Variants in CNTN5 observed in about 807,000 individuals in gnomAD.
The protein encoded by CNTN5 is contactin 5.
In CNTN5, 77 loss-of-function variants were observed where a neutral mutation model predicts 129.1. The ratio of observed to expected loss-of-function variants is 0.60; its 90% CI spans 0.50 to 0.72. The LOEUF (loss-of-function observed/expected upper bound fraction) is 0.72, where lower values mean the gene tolerates loss of function less well. CNTN5 is among the 30% of genes least tolerant of loss of function. CNTN5 has a pLI of 0.00. For missense variants in CNTN5, 1,478 were observed against 1,328.8 expected, an observed-to-expected ratio of 1.11 and a Z score of -1.75; for synonymous variants, 509 against 465.6, an observed-to-expected ratio of 1.09 and a Z score of -1.20.
Position 100,147,442 on chromosome 11 carries a change from G to C in CNTN5, c.1581-43684G>C, listed in dbSNP as rs542075005. On this transcript the variant is annotated intron_variant, in intron 13 of 24. Transcript: ENST00000524871. Reference sequence around the variant, plus strand: ...TCATGTCTCATGGTATCTTGCCTCAGTTCTGCATCCTTAGGTGGAAAGAGT... The same window carrying C: ...TCATGTCTCATGGTATCTTGCCTCACTTCTGCATCCTTAGGTGGAAAGAGT... Among the ~76,000 whole-genome samples the C allele has an allele frequency of 9.2e-5, 14 of 151,796 alleles. No homozygotes were observed. The East Asian group carries it at 2.7e-3, about 29-fold the overall frequency.
intron 1 of CNTN5, among the ~76,000 whole-genome samples, chr11:99,072,286 A>G (rs1865369696): frequency 6.6e-6 from 1 of 152,106 alleles, no homozygotes; most frequent in African/African-American, 2.4e-5. Context: ...AAAAAGAAAA[A>G]AAAATAGATA....
At chr11:99,890,823 C>G in intron 6 of CNTN5, among the ~76,000 whole-genome samples, 1 of 152,096 alleles carries the variant, frequency 6.6e-6, no homozygotes, top group East Asian at 1.9e-4. Flanking sequence ...TAAAAATCAA[C>G]ATCAACATGT....
intron 8 of CNTN5, among the ~76,000 whole-genome samples, chr11:99,983,379 G>A (rs1405906418): frequency 3.4e-5 from 5 of 147,900 alleles, no homozygotes; most frequent in African/African-American, 1.3e-4. Flanking sequence ...GTGAGGAGAG[G>A]TATCAGTAAG....
intron 9 of CNTN5, among the ~76,000 whole-genome samples, chr11:100,040,414 T>C (rs527378951): frequency 3.2e-4 from 48 of 152,204 alleles, no homozygotes; most frequent in African/African-American, 1.1e-3. Flanking sequence ...TACTCGGGGG[T>C]CATGGACCCA....
At chr11:99,095,257 A>G (rs1469646381) in intron 1 of CNTN5, among the ~76,000 whole-genome samples, 1 of 151,924 alleles carries the variant, frequency 6.6e-6, no homozygotes, top group Non-Finnish European at 1.5e-5. Flanking sequence ...TGTTCTACCT[A>G]ATGCATAGTT....
intron 3 of CNTN5, among the ~76,000 whole-genome samples, chr11:99,767,810 T>A (rs918701060): frequency 6.6e-5 from 10 of 152,082 alleles, no homozygotes; most frequent in African/African-American, 2.4e-4. Flanking sequence ...AATACTGTTA[T>A]TTCCACTTCT....
intron 9 of CNTN5, among the ~76,000 whole-genome samples, chr11:100,020,106 T>G (rs1229395979): frequency 6.6e-6 from 1 of 150,748 alleles, no homozygotes; most frequent in Non-Finnish European, 1.5e-5. Flanking sequence ...CTCTGTTGAT[T>G]GTTTGTTTTA....
Position 99,968,285 on chromosome 11 carries a change from G to C in CNTN5, c.877+11276G>C, listed in dbSNP as rs11607130. The stretch of plus-strand genomic sequence containing the variant: ...TTACTGTTTATTAGGAAATTCATCA[G>C]TTGTCACAGTGGGGGAAAAATGTAG... On this transcript the variant is annotated intron_variant, in intron 8 of 24. Transcript: ENST00000524871. 9.9e-3 allele frequency among the ~76,000 whole-genome samples: 1,508 copies of C among 152,276 alleles called. 11 individuals are homozygous for C. The highest frequency in any genetic ancestry group is 0.016 in the Non-Finnish European group (1,091 of 68,010).
intron 7 of CNTN5, among the ~76,000 whole-genome samples, chr11:99,952,531 A>T (rs11222014): frequency 0.078 from 11,806 of 152,130 alleles, 838 homozygotes; most frequent in East Asian, 0.32. Flanking sequence ...ACTAAAAGTT[A>T]TTTATTTTTT....
intron 3 of CNTN5, among the ~76,000 whole-genome samples, chr11:99,578,851 A>G (rs1412614465): frequency 1.3e-5 from 2 of 152,100 alleles, no homozygotes; most frequent in Non-Finnish European, 2.9e-5. Context: ...CCATTTGTCA[A>G]TTTTGGCTTT....
At chr11:99,685,248 G>C (rs1411382880) in intron 3 of CNTN5, among the ~76,000 whole-genome samples, 6 of 151,560 alleles carry the variant, frequency 4.0e-5, no homozygotes. Flanking sequence ...TCTGTTTAGA[G>C]AGATACATTG....
intron 9 of CNTN5, among the ~76,000 whole-genome samples, chr11:100,051,846 TA>T (rs949907448): frequency 1.1e-4 from 16 of 151,714 alleles, no homozygotes; most frequent in African/African-American, 3.4e-4. Flanking sequence ...CTAGGTCAAA[TA>T]AAAAAGCTCC....
chr11:99,900,564 G>A (rs1283133518), intron 6 of CNTN5, among the ~76,000 whole-genome samples: 1 of 150,934 alleles, frequency 6.6e-6, no homozygotes, highest in African/African-American at 2.4e-5. Flanking sequence ...TTTTATTTCT[G>A]ACTTGATGTT....
intron 3 of CNTN5, among the ~76,000 whole-genome samples, chr11:99,718,261 C>G (rs1943051320): frequency 6.6e-6 from 1 of 152,132 alleles, no homozygotes; most frequent in Non-Finnish European, 1.5e-5. Flanking sequence ...GTTAATCACT[C>G]ACTGTGTCAG....
chr11:99,821,957 C>G (rs1344351415), intron 4 of CNTN5, among the ~76,000 whole-genome samples: 1 of 152,148 alleles, frequency 6.6e-6, no homozygotes, highest in Non-Finnish European at 1.5e-5. Flanking sequence ...TCTTCCATAA[C>G]TACTGTTTTC....
intron 9 of CNTN5, among the ~76,000 whole-genome samples, chr11:100,025,062 G>A (rs1941353053): frequency 6.6e-6 from 1 of 152,220 alleles, no homozygotes; most frequent in South Asian, 2.1e-4. Context: ...GCATGTCAGA[G>A]GTCTTCACTG....
chr11:99,826,939 CTG>C (rs1946979115), intron 4 of CNTN5, among the ~76,000 whole-genome samples: 1 of 152,096 alleles, frequency 6.6e-6, no homozygotes, highest in Admixed American at 6.6e-5. Flanking sequence ...AAGGAAAAAA[CTG>C]ATAATTATTT....
chr11:99,354,125 A>G (rs1938483016), intron 2 of CNTN5, among the ~76,000 whole-genome samples: 1 of 152,244 alleles, frequency 6.6e-6, no homozygotes, highest in African/African-American at 2.4e-5. Flanking sequence ...TTTCTTAAGA[A>G]TAATTAATCA....
At chr11:100,145,389 C>T (rs1007306628) in intron 13 of CNTN5, among the ~76,000 whole-genome samples, 2 of 152,092 alleles carry the variant, frequency 1.3e-5, no homozygotes, top group Non-Finnish European at 2.9e-5. Flanking sequence ...ATTTGCTGCT[C>T]ATTGATCACT....
Sources: allele counts gnomAD v4.1 joint callset (sites outside exome capture counted in the v4.1 genomes callset), GRCh38; gene constraint gnomAD v4.1.1; transcripts MANE v1.5; gene names NCBI Gene and HGNC (gene_info 2026-07-23, HGNC 2026-07-21).